Variants in TYW1 observed in about 807,000 individuals in gnomAD.
The protein encoded by TYW1 is S-adenosyl-L-methionine-dependent tRNA 4-demethylwyosine synthase TYW1.
TYW1 carries 46 observed loss-of-function variants against 96.2 expected under a neutral mutation model. The observed-to-expected ratio is 0.48, with a 90% CI of 0.38 to 0.61. The LOEUF (loss-of-function observed/expected upper bound fraction) is 0.61. Among genes scored for constraint, TYW1 ranks in the 20% least tolerant of loss-of-function variants. The probability of loss-of-function intolerance (pLI) is 0.00; values close to 1 mark genes in which losing one functional copy is unlikely to be tolerated. For missense variants in TYW1, 684 were observed against 909.6 expected, an observed-to-expected ratio of 0.75 and a Z score of 3.19; for synonymous variants, 274 against 323.0, an observed-to-expected ratio of 0.85 and a Z score of 1.63.
chr7:67,094,243 G>T (rs13244230), intron 11 of TYW1, among the ~76,000 whole-genome samples: 20 of 152,060 alleles, frequency 1.3e-4, no homozygotes, highest in Middle Eastern at 3.2e-3. Flanking sequence ...CCAGTCAACC[G>T]TTGATGGACA....
At chr7:67,136,291 C>G (rs1173737863) in intron 13 of TYW1, among the ~76,000 whole-genome samples, 1 of 152,126 alleles carries the variant, frequency 6.6e-6, no homozygotes, top group Non-Finnish European at 1.5e-5. Context: ...TTTTCCTTCT[C>G]TTATTTATTC....
chr7:67,019,682 C>T (rs1011664766), intron 6 of TYW1, among the ~76,000 whole-genome samples: 3 of 152,278 alleles, frequency 2.0e-5, no homozygotes, highest in Admixed American at 6.5e-5. Context: ...AAAATGAGGG[C>T]AGCTGTCTCA....
intron 13 of TYW1, among the ~76,000 whole-genome samples, chr7:67,165,517 A>C (rs557159992): frequency 6.6e-6 from 1 of 151,660 alleles, no homozygotes; most frequent in East Asian, 1.9e-4. Context: ...AGCATTCTAC[A>C]GTTCTGATTT....
intron 7 of TYW1, among the ~76,000 whole-genome samples, chr7:67,048,795 C>T: frequency 6.6e-6 from 1 of 152,182 alleles, no homozygotes; most frequent in Non-Finnish European, 1.5e-5. Flanking sequence ...TGCATAGGAT[C>T]TTCTAGAAGT....
At chr7:67,134,157 G>A (rs10248168) in intron 13 of TYW1, among the ~76,000 whole-genome samples, 42,020 of 151,896 alleles carry the variant, frequency 0.28, 6,648 homozygotes, top group African/African-American at 0.44. Flanking sequence ...GTAAAAATAG[G>A]ATTAATATAA....
intron 14 of TYW1, among the ~76,000 whole-genome samples, chr7:67,184,283 T>G (rs1799931600): frequency 6.6e-6 from 1 of 152,196 alleles, no homozygotes; most frequent in South Asian, 2.1e-4. Flanking sequence ...TGTGTTTATA[T>G]TTTAGATTTT....
chr7:67,195,240 T>C lies in TYW1; in HGVS notation c.1880T>C (p.Val627Ala), dbSNP rs1800352537. 1 of 1,613,060 alleles carries C rather than the reference T, an allele frequency of 6.2e-7. No homozygotes were observed. The highest frequency in any genetic ancestry group is 1.1e-5 in the South Asian group (1 of 90,984). ...GCCCACGTGCCCTGGCATGAGGAAG[T>C]GGTACAGTTTGTCCACGAGTTGGTG... Reference protein sequence around the residue: ...TMAHVPWHEEVVQFVHELVDL... With the variant: ...TMAHVPWHEEAVQFVHELVDL... The change falls in exon 15 of 16, where the codon GTG becomes GCG. Residue 627 changes from valine to alanine, a missense_variant. Physicochemically the swap from Val to Ala is moderately conservative, Grantham distance 64. Coordinates refer to ENST00000359626, the MANE Select transcript of TYW1 (RefSeq NM_018264.4).
At chr7:67,074,402 T>C (rs374421453) in intron 10 of TYW1, among the ~76,000 whole-genome samples, 2,635 of 152,296 alleles carry the variant, frequency 0.017, 75 homozygotes, top group African/African-American at 0.06. Context: ...TAGTGCTCCT[T>C]AATCTTAATT....
intron 13 of TYW1, among the ~76,000 whole-genome samples, chr7:67,143,853 A>C (rs949800382): frequency 3.9e-5 from 6 of 152,250 alleles, no homozygotes; most frequent in African/African-American, 1.4e-4. Flanking sequence ...ATCATTTGAC[A>C]GAAGCTGAGA....
intron 15 of TYW1, among the ~76,000 whole-genome samples, chr7:67,199,888 C>T (rs1199440220): frequency 6.6e-6 from 1 of 150,392 alleles, no homozygotes; most frequent in South Asian, 2.1e-4. Flanking sequence ...GGCGACAGAG[C>T]GAGAACCCAT....
chr7:67,209,893 CTT>C (rs764468624), intron 15 of TYW1, among the ~76,000 whole-genome samples: 2 of 151,856 alleles, frequency 1.3e-5, no homozygotes, highest in South Asian at 2.1e-4. Flanking sequence ...TTTCAATAGA[CTT>C]TATGTTTTAC....
At chr7:67,175,390 C>T (rs1158568675) in intron 13 of TYW1, among the ~76,000 whole-genome samples, 6 of 152,146 alleles carry the variant, frequency 3.9e-5, no homozygotes, top group Middle Eastern at 6.8e-3. Context: ...AGGCTGGTCT[C>T]GAACTCCCAA....
At chr7:67,182,411 A>T (rs757609345) in intron 13 of TYW1, among the ~76,000 whole-genome samples, 2 of 152,178 alleles carry the variant, frequency 1.3e-5, no homozygotes, top group Non-Finnish European at 2.9e-5. Context: ...AAAAATTTTT[A>T]AACTTAGCCA....
chr7:67,086,089 A>G (rs1796542083), intron 11 of TYW1, among the ~76,000 whole-genome samples: 1 of 152,102 alleles, frequency 6.6e-6, no homozygotes, highest in Non-Finnish European at 1.5e-5. Context: ...TTGTACATTT[A>G]CAAAGAAGCT....
At chr7:67,109,717 C>T (rs1018923531) in intron 12 of TYW1, among the ~76,000 whole-genome samples, 18 of 151,886 alleles carry the variant, frequency 1.2e-4, no homozygotes, top group Non-Finnish European at 2.6e-4. Context: ...CCTGTCTCAA[C>T]TGAAATACAA....
chr7:67,123,925 G>A (rs1305071907), intron 13 of TYW1, among the ~76,000 whole-genome samples: 3 of 152,160 alleles, frequency 2.0e-5, no homozygotes, highest in African/African-American at 4.8e-5. Flanking sequence ...ATTGTATAGA[G>A]GGATGAATGG....
At chr7:67,082,847 T>TGGAGTGATG (rs1448628989) in intron 10 of TYW1, among the ~76,000 whole-genome samples, 5 of 152,084 alleles carry the variant, frequency 3.3e-5, no homozygotes, top group Non-Finnish European at 7.4e-5. Flanking sequence ...TGTATGGCCA[T>TGGAGTGATG]GGAGTGATGG....
intron 13 of TYW1, among the ~76,000 whole-genome samples, chr7:67,125,978 G>C (rs1022121245): frequency 1.3e-5 from 2 of 152,004 alleles, no homozygotes; most frequent in East Asian, 1.9e-4. Context: ...AGGGCATCTT[G>C]GTTTCTTCCA....
intron 4 of TYW1, 147 bp from the exon 5 acceptor site, chr7:67,014,220 G>C: frequency 1.7e-6 from 2 of 1,154,896 alleles, no homozygotes; most frequent in African/African-American, 1.6e-5. Flanking sequence ...GTGTTTCTTA[G>C]TCATGCCCTT....
Sources: allele counts gnomAD v4.1 joint callset (sites outside exome capture counted in the v4.1 genomes callset), GRCh38; gene constraint gnomAD v4.1.1; transcripts MANE v1.5; gene names NCBI Gene and HGNC (gene_info 2026-07-23, HGNC 2026-07-21).